Variants in ADGRE3 observed in about 807,000 individuals in gnomAD.
The protein encoded by ADGRE3 is EGF-like module receptor 3.
In ADGRE3, 88 loss-of-function variants were observed where a neutral mutation model predicts 80.1. That is an observed-to-expected ratio of 1.10 (90% CI 0.93 to 1.31). The LOEUF is 1.31. Among genes scored for constraint, ADGRE3 ranks in the 40% most tolerant of loss-of-function variants. The pLI is 0.00. For missense variants in ADGRE3, 715 were observed against 776.5 expected (o/e 0.92, Z 0.94); for synonymous variants, 281 against 294.8 (o/e 0.95, Z 0.48).
chr19:14,623,681 GCC>G (rs1341810024), intron 15 of ADGRE3, among the ~76,000 whole-genome samples: 1 of 152,172 alleles, frequency 6.6e-6, no homozygotes, highest in Admixed American at 6.6e-5. Flanking sequence ...CACTCTGTGG[GCC>G]CACATCCACA....
At chr19:14,641,946 T>C (rs1479924826) in intron 9 of ADGRE3, among the ~76,000 whole-genome samples, 2 of 152,172 alleles carry the variant, frequency 1.3e-5, no homozygotes, top group African/African-American at 4.8e-5. Flanking sequence ...AAATTACTCA[T>C]ATTAAATGTA....
chr19:14,668,874 A>C, intron 1 of ADGRE3, 22 bp from the exon 2 acceptor site: 1 of 1,611,518 alleles, frequency 6.2e-7, no homozygotes, highest in Non-Finnish European at 8.5e-7. Context: ...GGGAAACAGA[A>C]GGGAGAGACA....
At chr19:14,611,645 T>A in the ADGRE3 span, among the ~76,000 whole-genome samples, 1 of 152,108 alleles carries the variant, frequency 6.6e-6, no homozygotes, top group African/African-American at 2.4e-5. Flanking sequence ...AGGACAACGA[T>A]GGACCTATCT....
At chr19:14,628,480 C>T (rs777565250) in intron 14 of ADGRE3, 36 of 154,940 alleles carry the variant, frequency 2.3e-4, no homozygotes, top group Middle Eastern at 1.0e-3. Flanking sequence ...ATGATGATGA[C>T]GATGAAACAC....
the ADGRE3 span, among the ~76,000 whole-genome samples, chr19:14,604,083 A>G: frequency 7.2e-5 from 11 of 152,006 alleles, no homozygotes; most frequent in Admixed American, 3.3e-4. Context: ...TGCTCCTCCT[A>G]TCCCATTCTG....
chr19:14,659,557 G>C (rs1047284009), intron 4 of ADGRE3, among the ~76,000 whole-genome samples: 3 of 151,872 alleles, frequency 2.0e-5, no homozygotes, highest in African/African-American at 7.3e-5. Context: ...GAGGAAGGGT[G>C]CACCTGTAGT....
rs1355825166 is a variant in ADGRE3 at position 14,633,258 on chromosome 19, C to T, written c.1529G>A (p.Gly510Asp). ...CACAGAGAAAATGGCACAGACTGGG[C>T]CAAGGAAACTCCACATGAATCCCTG... ...LDQGFMWSFL[G>D]PVCAIFSANL... is the part of the protein sequence containing the mutation. The change falls in exon 12 of 16, where the codon GGC (glycine) becomes GAC (aspartate). Residue 510 changes from glycine to aspartate, a missense_variant. Gly to Asp is a moderately conservative substitution (Grantham distance 94). Transcript: ENST00000253673. 2.8e-5 allele frequency: 45 copies of T among 1,612,568 alleles called. 1 individual carries two copies. The East Asian group carries it at 9.6e-4, about 34-fold the overall frequency.
chr19:14,640,991 C>A (rs1251188415), intron 10 of ADGRE3, among the ~76,000 whole-genome samples: 1 of 152,098 alleles, frequency 6.6e-6, no homozygotes, highest in Non-Finnish European at 1.5e-5. Context: ...TATCAGCAGC[C>A]TGAAAATGGA....
chr19:14,632,408 A>T (rs1410272626), intron 13 of ADGRE3, among the ~76,000 whole-genome samples: 1 of 151,868 alleles, frequency 6.6e-6, no homozygotes, highest in Non-Finnish European at 1.5e-5. Context: ...TTCCCCTTTG[A>T]GTTTTAAAAC....
chr19:14,646,681 CTCCCTCCCTCCCTCCT>C (rs1196436418), intron 8 of ADGRE3, among the ~76,000 whole-genome samples: 3 of 108,046 alleles, frequency 2.8e-5, no homozygotes, highest in East Asian at 3.0e-4. Flanking sequence ...CCCTCCCTCC[CTCCCTCCCTCCCTCCT>C]TCCTTCCTTC....
At chr19:14,602,233 T>G in the ADGRE3 span, among the ~76,000 whole-genome samples, 1 of 152,280 alleles carries the variant, frequency 6.6e-6, no homozygotes, top group South Asian at 2.1e-4. Flanking sequence ...ATAGTTGGGT[T>G]TGGATTTTTA....
Position 14,619,281 on chromosome 19 carries a change from T to C in ADGRE3, c.*152A>G, listed in dbSNP as rs1360603608. The C allele has an allele frequency of 3.0e-6, 2 of 677,844 alleles. No homozygotes were observed. The highest frequency in any genetic ancestry group is 5.2e-6 in the Non-Finnish European group (2 of 381,376). 42.0% of individuals were successfully genotyped at this position (677,844 alleles called of 1,614,324 possible). On this transcript the variant is annotated 3_prime_UTR_variant, in exon 16 of 16. Transcript: ENST00000253673. The stretch of plus-strand genomic sequence containing the variant: ...TACCACACATTTGTTGAGAGCCTAT[T>C]GTGGAGAACAAACAGCTTGGGAAGT...
rs1212648126 is a variant in ADGRE3 at position 14,630,021 on chromosome 19, A to G, written c.1812+18T>C. On this transcript the variant is annotated intron_variant, in intron 14 of 15. Transcript: ENST00000253673. ...ATTTTCTTAAGTTTAAATAACAAAGAAAGGGGTCAGTGTTTACCTGCTGGC... is the reference window on the plus strand; with the variant it reads ...ATTTTCTTAAGTTTAAATAACAAAGGAAGGGGTCAGTGTTTACCTGCTGGC... 2 of 1,537,880 alleles carry G rather than the reference A, an allele frequency of 1.3e-6. No homozygotes were observed.
chr19:14,633,035 G>A (rs764830342), intron 12 of ADGRE3, 23 bp from the exon 13 acceptor site: 3 of 1,574,066 alleles, frequency 1.9e-6, no homozygotes, highest in Admixed American at 1.7e-5. Context: ...CACAAACAAG[G>A]CAGAGTGCAA....
chr19:14,643,084 A>G (rs572124665), intron 9 of ADGRE3, among the ~76,000 whole-genome samples: 2 of 149,274 alleles, frequency 1.3e-5, no homozygotes, highest in African/African-American at 4.9e-5. Context: ...CCTCACCAGC[A>G]TCTGTTATTT....
chr19:14,639,632 C>G (rs1480113723), intron 10 of ADGRE3, among the ~76,000 whole-genome samples: 5 of 151,908 alleles, frequency 3.3e-5, no homozygotes, highest in African/African-American at 1.2e-4. Flanking sequence ...CCCAGGATGG[C>G]CTCAAACGCC....
chr19:14,626,052 T>C (rs73506112), intron 14 of ADGRE3, among the ~76,000 whole-genome samples: 15,350 of 152,166 alleles, frequency 0.1, 955 homozygotes, highest in African/African-American at 0.17. Flanking sequence ...ATGCTACTAA[T>C]GGTACACTTA....
In ADGRE3 at chr19:14,633,330, A is replaced by C. The variant is rs113412752; in HGVS notation, c.1485-28T>G. The C allele has an allele frequency of 8.1e-3, 12,502 of 1,545,762 alleles. 64 individuals carry two copies. The highest frequency in any genetic ancestry group is 0.019 in the Middle Eastern group (113 of 5,906). ...AGGAACAGTGGGAAAAGAGATACAAAGAGAGATCAGAGAAAGTGCGTGAGA... is the reference window on the plus strand; with the variant it reads ...AGGAACAGTGGGAAAAGAGATACAACGAGAGATCAGAGAAAGTGCGTGAGA... On this transcript the variant is annotated intron_variant, in intron 11 of 15. Coordinates refer to ENST00000253673, the MANE Select transcript of ADGRE3 (RefSeq NM_032571.5).
intron 2 of ADGRE3, 111 bp from the exon 3 acceptor site, chr19:14,663,651 C>A: frequency 7.6e-7 from 1 of 1,309,310 alleles, no homozygotes; most frequent in South Asian, 1.5e-5. Flanking sequence ...GCAGCCTGGC[C>A]AACATACTGA....
Sources: gnomAD v4.1 joint callset for allele counts (sites outside exome capture counted in the v4.1 genomes callset) on GRCh38, gnomAD v4.1.1 for gene constraint, MANE v1.5 for transcripts, NCBI Gene and HGNC (gene_info 2026-07-23, HGNC 2026-07-21) for gene names.